Variants in SPATA17 observed in about 807,000 individuals in gnomAD.
SPATA17 encodes the protein spermatogenesis associated 17, also known as spermatogenesis-associated protein 17.
In SPATA17, 53 loss-of-function variants were observed where a neutral mutation model predicts 62.2. That is an observed-to-expected ratio of 0.85 (90% confidence interval 0.68 to 1.07). The LOEUF (loss-of-function observed/expected upper bound fraction) is 1.07. Ranked by LOEUF, SPATA17 falls within the 50% of genes least tolerant of loss-of-function variation. The pLI is 0.00. For missense variants in SPATA17, 466 were observed against 425.5 expected (o/e 1.10, Z -0.84); for synonymous variants, 146 against 146.8 (o/e 0.99, Z 0.04).
chr1:217,677,582 T>C (rs1670977005), intron 4 of SPATA17, among the ~76,000 whole-genome samples: 2 of 151,982 alleles, frequency 1.3e-5, no homozygotes, highest in African/African-American at 4.8e-5. Context: ...CAAAAAAGGG[T>C]ATCCCAAAAT....
At chr1:217,845,085 G>A (rs927623540) in intron 9 of SPATA17, among the ~76,000 whole-genome samples, 1 of 151,550 alleles carries the variant, frequency 6.6e-6, no homozygotes, top group African/African-American at 2.4e-5. Flanking sequence ...TCTTATTTTA[G>A]CCTCTTTTAT....
chr1:217,862,014 G>A (rs1168266549), intron 9 of SPATA17, among the ~76,000 whole-genome samples: 2 of 151,274 alleles, frequency 1.3e-5, no homozygotes, highest in African/African-American at 4.9e-5. Flanking sequence ...TTATATATGG[G>A]CCCTATAAAG....
chr1:217,707,172 T>A (rs1242169883), intron 5 of SPATA17, among the ~76,000 whole-genome samples: 1 of 152,170 alleles, frequency 6.6e-6, no homozygotes, highest in African/African-American at 2.4e-5. Flanking sequence ...GCCCTGTATT[T>A]CATTGTTTTT....
At chr1:217,715,947 G>A (rs541180936) in intron 5 of SPATA17, among the ~76,000 whole-genome samples, 101 of 152,204 alleles carry the variant, frequency 6.6e-4, no homozygotes, top group Admixed American at 1.1e-3. Context: ...CAAGGATGAA[G>A]CAAAAAAACT....
rs772076558 is a variant in SPATA17 at position 217,801,731 on chromosome 1, T to G, written c.886T>G (p.Ser296Ala). Reference protein sequence around the residue: ...NVNDNMFLPFSSYHKNEKYIP... With the variant: ...NVNDNMFLPFASYHKNEKYIP... Reference sequence around the variant, plus strand: ...TATTTCTTTCAGGTTTTTGCCATTTTCTTCATACCATAAAAATGAAAAGTA... The same window carrying G: ...TATTTCTTTCAGGTTTTTGCCATTTGCTTCATACCATAAAAATGAAAAGTA... The change falls in exon 9 of 11, where the codon TCT (serine) becomes GCT (alanine). Residue 296 changes from serine to alanine, a missense_variant. Coordinates refer to ENST00000366933, the MANE Select transcript of SPATA17 (RefSeq NM_138796.4). The G allele has an allele frequency of 1.3e-6, 2 of 1,599,594 alleles. No homozygotes were observed. Among genetic ancestry groups the G allele is most frequent in the Middle Eastern group, 1.7e-4 (1 of 5,944 alleles).
rs553287298 is a variant in SPATA17 at position 217,780,650 on chromosome 1, AT to A, written c.724-1522del. 1.9e-3 allele frequency among the ~76,000 whole-genome samples: 288 copies of A among 152,260 alleles called. 1 individual carries two copies. The highest frequency in any genetic ancestry group is 6.5e-3 in the African/African-American group (272 of 41,566). ...CTCTTCAAAGTCATAGCCTTGGGCC[AT>A]TGTGTATTTCTTTGATGCTACTATT... is the stretch of plus-strand genomic sequence containing the variant. On this transcript the variant is annotated intron_variant, in intron 7 of 10. Coordinates refer to ENST00000366933, the MANE Select transcript of SPATA17 (RefSeq NM_138796.4).
At chr1:217,640,780 A>G (rs576558561) in intron 1 of SPATA17, among the ~76,000 whole-genome samples, 1 of 152,232 alleles carries the variant, frequency 6.6e-6, no homozygotes, top group South Asian at 2.1e-4. Context: ...CTGAGACAAA[A>G]TAAGGTATAA....
At chr1:217,858,800 C>T (rs1043483559) in intron 9 of SPATA17, among the ~76,000 whole-genome samples, 6 of 151,978 alleles carry the variant, frequency 3.9e-5, no homozygotes, top group Admixed American at 1.3e-4. Flanking sequence ...GAGGCCAAGG[C>T]GGGTGGATCA....
chr1:217,684,120 A>C (rs535251840), intron 5 of SPATA17, among the ~76,000 whole-genome samples: 3 of 152,216 alleles, frequency 2.0e-5, no homozygotes, highest in Admixed American at 6.5e-5. Flanking sequence ...ATTTGTTTAA[A>C]CACATAGGAG....
intron 6 of SPATA17, among the ~76,000 whole-genome samples, chr1:217,744,455 T>A (rs1571774705): frequency 3.6e-5 from 1 of 27,516 alleles, no homozygotes; most frequent in Admixed American, 4.5e-4. Flanking sequence ...AGAGCGAGAC[T>A]CCGTCTCAAA....
intron 9 of SPATA17, among the ~76,000 whole-genome samples, chr1:217,835,133 T>G (rs779640338): frequency 5.7e-4 from 87 of 152,158 alleles, no homozygotes; most frequent in Non-Finnish European, 9.6e-4. Flanking sequence ...AATTGCCTAG[T>G]GACAAATTTC....
intron 6 of SPATA17, among the ~76,000 whole-genome samples, chr1:217,751,871 G>A (rs1325166434): frequency 6.6e-6 from 1 of 152,120 alleles, no homozygotes; most frequent in Non-Finnish European, 1.5e-5. Flanking sequence ...TTCCTTTTAA[G>A]TGTGCAGCAT....
chr1:217,723,722 A>C (rs896020938), intron 5 of SPATA17, among the ~76,000 whole-genome samples: 126 of 152,340 alleles, frequency 8.3e-4, no homozygotes, highest in Non-Finnish European at 1.0e-4. Flanking sequence ...TGGGGAAATA[A>C]GACAAAACAA....
chr1:217,707,931 T>G (rs1671773020), intron 5 of SPATA17, among the ~76,000 whole-genome samples: 1 of 152,172 alleles, frequency 6.6e-6, no homozygotes, highest in South Asian at 2.1e-4. Context: ...ACATGGGAAT[T>G]AAACAACTTG....
chr1:217,681,560 G>A (rs955841661), intron 4 of SPATA17, among the ~76,000 whole-genome samples: 27 of 151,516 alleles, frequency 1.8e-4, no homozygotes, highest in Non-Finnish European at 3.7e-4. Flanking sequence ...GTAGAGACAG[G>A]GTTTTGTTTT....
At chr1:217,702,887 C>A (rs549491046) in intron 5 of SPATA17, among the ~76,000 whole-genome samples, 1 of 145,688 alleles carries the variant, frequency 6.9e-6, no homozygotes, top group African/African-American at 2.5e-5. Context: ...TATTTCATTA[C>A]TTTTTTTTTT....
chr1:217,772,782 ACT>A (rs762560775), intron 6 of SPATA17, among the ~76,000 whole-genome samples: 2 of 152,156 alleles, frequency 1.3e-5, no homozygotes, highest in Non-Finnish European at 2.9e-5. Flanking sequence ...CCTGGAACAG[ACT>A]CTCTGTGCTC....
chr1:217,834,876 T>C (rs1383897806), intron 9 of SPATA17, among the ~76,000 whole-genome samples: 1 of 152,180 alleles, frequency 6.6e-6, no homozygotes, highest in East Asian at 1.9e-4. Flanking sequence ...GCTCCATTCA[T>C]AGTAAGTGCC....
intron 3 of SPATA17, among the ~76,000 whole-genome samples, chr1:217,667,048 C>CTTTTTTTTT (rs1191694917): frequency 3.5e-5 from 4 of 115,522 alleles, no homozygotes; most frequent in African/African-American, 3.4e-5. Flanking sequence ...TTTTTTTTTT[C>CTTTTTTTTT]TTTTTTTTTT....
Sources: gnomAD v4.1 joint callset for allele counts (sites outside exome capture counted in the v4.1 genomes callset) on GRCh38, gnomAD v4.1.1 for gene constraint, MANE v1.5 for transcripts, NCBI Gene and HGNC (gene_info 2026-07-23, HGNC 2026-07-21) for gene names.